CC2D2A: variants seen among roughly 807,000 people sequenced by gnomAD.
The protein encoded by CC2D2A is coiled-coil and C2 domain-containing protein 2A.
CC2D2A carries 155 observed loss-of-function variants against 212.9 expected under a neutral mutation model. The ratio of observed to expected loss-of-function variants is 0.73; its 90% CI spans 0.64 to 0.83. CC2D2A has a LOEUF of 0.83. Ranked by LOEUF, CC2D2A falls within the 40% of genes least tolerant of loss-of-function variation. The pLI is 0.00. For synonymous variants in CC2D2A, 667 were observed against 686.5 expected (o/e 0.97, Z 0.44); for missense variants, 1,856 against 1,956.2 (o/e 0.95, Z 0.97).
intron 11 of CC2D2A, chr4:15,519,908 C>T (rs546235042): frequency 7.3e-5 from 17 of 233,214 alleles, no homozygotes; most frequent in Non-Finnish European, 1.4e-4. Context: ...ATCACTGGGA[C>T]TGCCTCCTTC....
intron 16 of CC2D2A, among the ~76,000 whole-genome samples, chr4:15,538,711 C>T (rs1447125578): frequency 2.6e-5 from 4 of 152,182 alleles, no homozygotes; most frequent in Admixed American, 6.5e-5. Context: ...CTAAGAGAAA[C>T]ATCATTTGAT....
intron 4 of CC2D2A, 113 bp downstream of exon 4, chr4:15,480,940 G>C (rs1180771110): frequency 2.2e-5 from 29 of 1,310,422 alleles, no homozygotes; most frequent in Non-Finnish European, 2.9e-5. Flanking sequence ...TGCCACTGCT[G>C]CTCCACCCAC....
At chr4:15,508,909 T>G (rs969825501) in intron 6 of CC2D2A, among the ~76,000 whole-genome samples, 10 of 152,228 alleles carry the variant, frequency 6.6e-5, no homozygotes, top group Non-Finnish European at 1.5e-4. Context: ...TGGGATGGCT[T>G]AGAATTGCTC....
intron 6 of CC2D2A, among the ~76,000 whole-genome samples, chr4:15,506,559 TTC>T (rs1389411642): frequency 6.6e-6 from 1 of 152,218 alleles, no homozygotes; most frequent in Non-Finnish European, 1.5e-5. Context: ...ACAGCCAAGT[TTC>T]TCTCTCATGA....
At position 15,561,084 on chromosome 4, in the gene CC2D2A, G is replaced by A. The variant is rs147285834; in HGVS notation, c.3014+462G>A. ...GTTGCAGCACCACAGCTGGTGGGCA[G>A]AGAGCTGGTGCATGTGCTTGGTGAG... On this transcript the variant is annotated intron_variant, in intron 23 of 36. Coordinates refer to ENST00000424120, the MANE Select transcript of CC2D2A (RefSeq NM_001378615.1). Among the ~76,000 whole-genome samples the A allele has an allele frequency of 3.2e-4, 49 of 152,362 alleles. No individual in the cohort carries two copies. The East Asian group carries it at 9.1e-3, about 28-fold the overall frequency.
rs764788925 is a variant in CC2D2A, at chr4:15,475,965, TAC to T, written c.35_36del (p.Thr12ArgfsTer5). Reference sequence around the variant, plus strand: ...CCAGGGAAGAAAAAGTAAAAATAATTACAGAGGTAAGTGGCCACTTTGATGTC... The same window carrying T: ...CCAGGGAAGAAAAAGTAAAAATAATTAGAGGTAAGTGGCCACTTTGATGTC... The part of the protein sequence containing the change: ...NPREEKVKII[T>X]EEFIENDEDA... On this transcript the variant is annotated frameshift_variant, in exon 2 of 37. Transcript: ENST00000424120. LOFTEE classifies it high-confidence loss of function. 1.9e-6 allele frequency: 3 copies of T among 1,590,244 alleles called. No individual in the cohort carries two copies. The South Asian group carries it at 3.4e-5, about 18-fold the overall frequency.
chr4:15,537,111 G>A, intron 15 of CC2D2A, 35 bp downstream of exon 15: 1 of 1,603,106 alleles, frequency 6.2e-7, no homozygotes, highest in Non-Finnish European at 8.5e-7. Context: ...GAATAGGGCT[G>A]GCCAGGAAGT....
Position 15,538,072 on chromosome 4 carries a change from G to C in CC2D2A, c.1938G>C (p.Trp646Cys). Residue 646 changes from tryptophan to cysteine, a missense_variant, in exon 16 of 37, where the codon TGG becomes TGC. Around this residue, in one of 5 missense-constraint regions of CC2D2A, gnomAD observed 1,512 missense variants for 1,579.3 expected, o/e 0.96. Transcript: ENST00000424120. ...ERAAQSRRRP[W>C]EPTLVPELSL... is the part of the protein sequence containing the mutation. Reference sequence around the variant, plus strand: ...CAGCCCAGAGCAGGAGGAGGCCTTGGGAGCCCACGCTGGTCCCGGAGCTAA... The same window carrying C: ...CAGCCCAGAGCAGGAGGAGGCCTTGCGAGCCCACGCTGGTCCCGGAGCTAA... 1 of 1,607,296 alleles carries C rather than the reference G, an allele frequency of 6.2e-7. No homozygotes were observed. The highest frequency in any genetic ancestry group is 8.5e-7 in the Non-Finnish European group (1 of 1,177,060).
intron 17 of CC2D2A, among the ~76,000 whole-genome samples, chr4:15,548,168 TA>T (rs1221858562): frequency 6.6e-6 from 1 of 151,896 alleles, no homozygotes; most frequent in Non-Finnish European, 1.5e-5. Context: ...TTTTTCTCAT[TA>T]AAAAAATCTG....
chr4:15,470,538 C>T (rs1171540853), intron 1 of CC2D2A, among the ~76,000 whole-genome samples: 1 of 151,878 alleles, frequency 6.6e-6, no homozygotes, highest in Admixed American at 6.6e-5. Context: ...TGTTTGTTTC[C>T]CTTCATTGCA....
chr4:15,554,496 A>C (rs1719176109), intron 19 of CC2D2A, among the ~76,000 whole-genome samples: 1 of 152,148 alleles, frequency 6.6e-6, no homozygotes, highest in East Asian at 1.9e-4. Context: ...AACATGGCAA[A>C]ACCCCATCTC....
At chr4:15,527,965 C>A (rs1015879801) in intron 12 of CC2D2A, among the ~76,000 whole-genome samples, 2 of 152,176 alleles carry the variant, frequency 1.3e-5, no homozygotes, top group East Asian at 3.9e-4. Context: ...GATCTCAGAA[C>A]CTGAGAAAAT....
chr4:15,552,147 C>T (rs1363335550), intron 18 of CC2D2A, among the ~76,000 whole-genome samples: 1 of 152,148 alleles, frequency 6.6e-6, no homozygotes, highest in African/African-American at 2.4e-5. Context: ...CTGCCCAGAG[C>T]GTTTTTACCA....
At chr4:15,518,787 GCTT>G (rs1220642847) in intron 11 of CC2D2A, among the ~76,000 whole-genome samples, 1 of 152,226 alleles carries the variant, frequency 6.6e-6, no homozygotes, top group African/African-American at 2.4e-5. Context: ...TTGTACCTTG[GCTT>G]CTTTTAGTCA....
intron 17 of CC2D2A, among the ~76,000 whole-genome samples, chr4:15,541,388 C>T (rs10020408): frequency 6.6e-6 from 1 of 151,740 alleles, no homozygotes; most frequent in Admixed American, 6.5e-5. Context: ...TTCATTACAG[C>T]TTTGAGATGA....
chr4:15,587,828 C>A lies in CC2D2A; in HGVS notation c.4078C>A (p.Leu1360Ile). The A allele has an allele frequency of 6.2e-7, 1 of 1,607,582 alleles. No individual in the cohort carries two copies. Among genetic ancestry groups the A allele is most frequent in the Non-Finnish European group, 8.5e-7 (1 of 1,174,262 alleles). ...TTCTTTTTGTCAGCAATTTCTTGAT[C>A]TCCTGGCAGGGGATGAAGAAGAACA... is the stretch of plus-strand genomic sequence containing the variant. ...LWSTSDQFLD[L>I]LAGDEEEHAV... is the part of the protein sequence containing the mutation. The change falls in exon 32 of 37, where the codon CTC (leucine) becomes ATC (isoleucine). Residue 1360 changes from leucine to isoleucine, a missense_variant. Around this residue, in one of 5 missense-constraint regions of CC2D2A, gnomAD observed 36 missense variants for 35.5 expected, o/e 1.02. Coordinates refer to ENST00000424120, the MANE Select transcript of CC2D2A (RefSeq NM_001378615.1).
chr4:15,497,434 G>T (rs1472049997), intron 4 of CC2D2A, among the ~76,000 whole-genome samples: 1 of 152,104 alleles, frequency 6.6e-6, no homozygotes, highest in Admixed American at 6.5e-5. Flanking sequence ...AGAAGTAAAA[G>T]GTAGTTCAGG....
intron 33 of CC2D2A, among the ~76,000 whole-genome samples, chr4:15,591,449 C>T (rs143660290): frequency 6.6e-6 from 1 of 152,080 alleles, no homozygotes; most frequent in African/African-American, 2.4e-5. Context: ...GAGCTCCCGA[C>T]CTCAGGTGAT....
At chr4:15,536,728 A>T (rs148053270) in intron 14 of CC2D2A, among the ~76,000 whole-genome samples, 192 bp from the exon 15 acceptor site, 98 of 152,148 alleles carry the variant, frequency 6.4e-4, no homozygotes, top group Non-Finnish European at 1.2e-3. Flanking sequence ...CTTAACTTCT[A>T]TGTGCCTCTG....
Sources: allele counts gnomAD v4.1 joint callset (sites outside exome capture counted in the v4.1 genomes callset), GRCh38; gene constraint gnomAD v4.1.1; regional missense constraint gnomAD v4.1.1; transcripts MANE v1.5; gene names NCBI Gene and HGNC (gene_info 2026-07-23, HGNC 2026-07-21).